PTPRD: variants seen among roughly 807,000 people sequenced by gnomAD.
The protein encoded by PTPRD is protein tyrosine phosphatase receptor type D, also known as receptor-type tyrosine-protein phosphatase delta.
In PTPRD, 34 loss-of-function variants were observed where a neutral mutation model predicts 214.5. The observed-to-expected ratio is 0.16, with a 90% CI of 0.12 to 0.21. The LOEUF (loss-of-function observed/expected upper bound fraction) is 0.21, where lower values mean the gene tolerates loss of function less well. Among genes scored for constraint, PTPRD ranks in the 10% least tolerant of loss-of-function variants. The probability of loss-of-function intolerance (pLI) is 1.00; values close to 1 mark genes in which losing one functional copy is unlikely to be tolerated. For synonymous variants in PTPRD, 1,128 were observed against 845.7 expected (o/e 1.33, Z -5.79); for missense variants, 2,545 against 2,398.7 (o/e 1.06, Z -1.27).
At chr9:8,647,611 CAT>C (rs1327225733) in intron 12 of PTPRD, among the ~76,000 whole-genome samples, 1 of 152,078 alleles carries the variant, frequency 6.6e-6, no homozygotes, top group Non-Finnish European at 1.5e-5. Flanking sequence ...TATCTTTGCA[CAT>C]ATATGTAATT....
intron 2 of PTPRD, among the ~76,000 whole-genome samples, chr9:10,411,603 T>C (rs1051136660): frequency 1.5e-4 from 23 of 151,772 alleles, no homozygotes; most frequent in African/African-American, 5.6e-4. Context: ...ACTTGCTGAT[T>C]TGCTATATTG....
intron 3 of PTPRD, among the ~76,000 whole-genome samples, chr9:10,205,762 T>C (rs1481551230): frequency 6.6e-6 from 1 of 152,128 alleles, no homozygotes; most frequent in Non-Finnish European, 1.5e-5. Context: ...TGAAATAATA[T>C]ATATCTAGAA....
At chr9:9,370,466 G>C (rs370491765) in intron 9 of PTPRD, among the ~76,000 whole-genome samples, 34,414 of 147,992 alleles carry the variant, frequency 0.23, 5,246 homozygotes, top group African/African-American at 0.42. Flanking sequence ...GATTTTGTAT[G>C]CTGAGACTTT....
chr9:10,574,636 C>T (rs1311866298), intron 2 of PTPRD, among the ~76,000 whole-genome samples: 1 of 151,884 alleles, frequency 6.6e-6, no homozygotes, highest in Non-Finnish European at 1.5e-5. Flanking sequence ...ATAGCTTACA[C>T]AGGAAGTTTT....
At chr9:9,607,591 T>C (rs1383624390) in intron 7 of PTPRD, among the ~76,000 whole-genome samples, 2 of 152,100 alleles carry the variant, frequency 1.3e-5, no homozygotes, top group African/African-American at 4.8e-5. Flanking sequence ...TCCAGAAATA[T>C]CAGGAACAAT....
intron 3 of PTPRD, among the ~76,000 whole-genome samples, chr9:10,256,171 T>C (rs1269207065): frequency 1.3e-5 from 2 of 152,110 alleles, no homozygotes. Flanking sequence ...TTGCCCTCAG[T>C]TTGTGGAAAA....
At chr9:10,497,560 C>T (rs754004684) in intron 2 of PTPRD, among the ~76,000 whole-genome samples, 2 of 151,882 alleles carry the variant, frequency 1.3e-5, no homozygotes, top group Non-Finnish European at 2.9e-5. Context: ...ATTTAAAAGT[C>T]TATAATTGAA....
At chr9:8,986,821 C>G (rs930058526) in intron 11 of PTPRD, among the ~76,000 whole-genome samples, 7 of 152,040 alleles carry the variant, frequency 4.6e-5, no homozygotes, top group African/African-American at 1.7e-4. Flanking sequence ...TTTGAGAGTG[C>G]CCATCTCAAG....
intron 2 of PTPRD, among the ~76,000 whole-genome samples, chr9:10,502,093 C>G (rs2043952826): frequency 6.6e-6 from 1 of 151,592 alleles, no homozygotes; most frequent in Non-Finnish European, 1.5e-5. Flanking sequence ...AAAGAGGTCC[C>G]AAGCAAGAGA....
At chr9:10,560,383 G>T (rs997610120) in intron 2 of PTPRD, among the ~76,000 whole-genome samples, 1 of 149,672 alleles carries the variant, frequency 6.7e-6, no homozygotes, top group Non-Finnish European at 1.5e-5. Flanking sequence ...ACAGGAAGGG[G>T]AACATCACAC....
chr9:9,908,871 G>A (rs189243844), intron 5 of PTPRD, among the ~76,000 whole-genome samples: 4 of 151,922 alleles, frequency 2.6e-5, no homozygotes, highest in Non-Finnish European at 4.4e-5. Flanking sequence ...TATCTAGGTC[G>A]GTAACACTTC....
intron 11 of PTPRD, among the ~76,000 whole-genome samples, chr9:8,863,141 C>G (rs933352466): frequency 1.3e-5 from 2 of 152,214 alleles, no homozygotes; most frequent in East Asian, 1.9e-4. Context: ...ACTGACTGCT[C>G]TGTTCAGCTG....
chr9:9,108,674 A>C (rs1047281283), intron 10 of PTPRD, among the ~76,000 whole-genome samples: 2 of 152,172 alleles, frequency 1.3e-5, no homozygotes, highest in African/African-American at 4.8e-5. Context: ...AGAGTAATAC[A>C]AATTACTTCT....
At chr9:10,440,590 G>T (rs146316374) in intron 2 of PTPRD, among the ~76,000 whole-genome samples, 1 of 151,762 alleles carries the variant, frequency 6.6e-6, no homozygotes, top group Non-Finnish European at 1.5e-5. Context: ...CTGGTGAGAA[G>T]GGGTTAAAAT....
intron 11 of PTPRD, among the ~76,000 whole-genome samples, chr9:8,787,675 T>C (rs1453668065): frequency 6.6e-6 from 1 of 152,008 alleles, no homozygotes; most frequent in Non-Finnish European, 1.5e-5. Flanking sequence ...CATGTGGAGA[T>C]GACAGGAGGG....
chr9:9,790,866 C>T (rs12002035), intron 5 of PTPRD, among the ~76,000 whole-genome samples: 3,229 of 152,198 alleles, frequency 0.021, 100 homozygotes, highest in African/African-American at 0.073. Flanking sequence ...AATGGATCTA[C>T]ACTAATATAC....
At chr9:10,421,677 G>C (rs1400511122) in intron 2 of PTPRD, among the ~76,000 whole-genome samples, 1 of 151,758 alleles carries the variant, frequency 6.6e-6, no homozygotes, top group Non-Finnish European at 1.5e-5. Flanking sequence ...TGATCCATTT[G>C]GTTTCTAAAT....
At chr9:10,295,869 C>G (rs694201) in intron 3 of PTPRD, among the ~76,000 whole-genome samples, 1 of 151,826 alleles carries the variant, frequency 6.6e-6, no homozygotes, top group Non-Finnish European at 1.5e-5. Flanking sequence ...GTGGGGCTTT[C>G]TGTACCTTTG....
chr9:10,218,971 A>T lies in PTPRD; in HGVS notation c.-545+121992T>A, dbSNP rs533552215. 1.3e-4 allele frequency among the ~76,000 whole-genome samples: 19 copies of T among 151,974 alleles called. No homozygotes were observed. The South Asian group carries it at 3.9e-3, about 31-fold the overall frequency. On this transcript the variant is annotated intron_variant, in intron 3 of 45. Transcript: ENST00000381196. ...GAGAGAAAATTAAAAGTAAGAAGAAAAAATTGTTACTGCATTTTGTTTACC... is the reference window on the plus strand; with the variant it reads ...GAGAGAAAATTAAAAGTAAGAAGAATAAATTGTTACTGCATTTTGTTTACC...
Sources: gnomAD v4.1 joint callset for allele counts (sites outside exome capture counted in the v4.1 genomes callset) on GRCh38, gnomAD v4.1.1 for gene constraint, MANE v1.5 for transcripts, NCBI Gene and HGNC (gene_info 2026-07-23, HGNC 2026-07-21) for gene names.